Variants in NAV3 observed in about 807,000 individuals in gnomAD.
The protein encoded by NAV3 is pore membrane and/or filament interacting like protein 1.
Under a neutral mutation model 244.7 loss-of-function variants are expected in NAV3, and 87 were observed. That is an observed-to-expected ratio of 0.36 (90% CI 0.30 to 0.42). The LOEUF is 0.42. Among genes scored for constraint, NAV3 ranks in the 20% least tolerant of loss-of-function variants. The pLI is 1.00. For synonymous variants in NAV3, 1,126 were observed against 1,042.2 expected (o/e 1.08, Z -1.55); for missense variants, 2,663 against 2,893.3 (o/e 0.92, Z 1.83).
At chr12:77,941,978 C>A (rs1033606536) in intron 3 of NAV3, among the ~76,000 whole-genome samples, 2 of 152,180 alleles carry the variant, frequency 1.3e-5, no homozygotes, top group Admixed American at 6.5e-5. Context: ...AATCTATGAA[C>A]TTTTAAAATA....
At chr12:78,169,742 C>T (rs1353393125) in intron 24 of NAV3, among the ~76,000 whole-genome samples, 1 of 151,736 alleles carries the variant, frequency 6.6e-6, no homozygotes, top group Non-Finnish European at 1.5e-5. Flanking sequence ...ACAATGCTCT[C>T]CAGGATCAGC....
intron 24 of NAV3, among the ~76,000 whole-genome samples, chr12:78,170,165 T>A (rs986349972): frequency 6.6e-6 from 1 of 151,772 alleles, no homozygotes; most frequent in South Asian, 2.1e-4. Flanking sequence ...TATCTTTGGA[T>A]GTCTGTTTTG....
intron 7 of NAV3, among the ~76,000 whole-genome samples, chr12:78,002,737 A>G (rs1007099876): frequency 4.6e-5 from 7 of 152,128 alleles, no homozygotes. Context: ...ATACTTATAT[A>G]AGCCTAAAAT....
intron 1 of NAV3, among the ~76,000 whole-genome samples, chr12:77,933,149 T>C (rs925564179): frequency 3.9e-5 from 6 of 152,214 alleles, no homozygotes; most frequent in Admixed American, 2.6e-4. Context: ...GGGAGCTATT[T>C]TGTGATTTTT....
chr12:78,082,764 A>ACTATG (rs1566106808), intron 12 of NAV3, among the ~76,000 whole-genome samples: 1 of 152,200 alleles, frequency 6.6e-6, no homozygotes, highest in Non-Finnish European at 1.5e-5. Context: ...AAACCCTTTT[A>ACTATG]CTATGCTGCT....
intron 2 of NAV3, among the ~76,000 whole-genome samples, chr12:77,694,550 G>A (rs915763481): frequency 1.3e-5 from 2 of 151,160 alleles, no homozygotes; most frequent in Non-Finnish European, 2.9e-5. Flanking sequence ...TAACAACCAA[G>A]TTCAGTGTCC....
At chr12:77,660,661 G>C (rs1725854) in intron 2 of NAV3, among the ~76,000 whole-genome samples, 27,527 of 151,958 alleles carry the variant, frequency 0.18, 3,319 homozygotes, top group African/African-American at 0.34. Flanking sequence ...ACATGTTTAG[G>C]TATAAGTATG....
intron 2 of NAV3, among the ~76,000 whole-genome samples, chr12:77,721,831 C>T (rs931310067): frequency 3.3e-5 from 5 of 152,028 alleles, no homozygotes; most frequent in Admixed American, 2.6e-4. Flanking sequence ...AGGTAAAATA[C>T]ATGTGTCATT....
chr12:77,921,592 T>G (rs933868685), intron 1 of NAV3, among the ~76,000 whole-genome samples: 2 of 152,092 alleles, frequency 1.3e-5, no homozygotes, highest in Non-Finnish European at 2.9e-5. Flanking sequence ...AGTTTTCTCA[T>G]AGCTAAATTC....
chr12:77,807,253 G>A (rs1160327843), intron 2 of NAV3, among the ~76,000 whole-genome samples: 4 of 152,300 alleles, frequency 2.6e-5, no homozygotes, highest in East Asian at 1.9e-4. Context: ...ATTAGTTGAT[G>A]CAGTTTCTTC....
intron 2 of NAV3, among the ~76,000 whole-genome samples, chr12:77,641,168 T>A (rs1872393260): frequency 6.6e-6 from 1 of 152,080 alleles, no homozygotes; most frequent in Non-Finnish European, 1.5e-5. Context: ...CCCTTTTTGA[T>A]CAAAATCTTT....
At chr12:78,006,249 G>T (rs1164204487) in intron 7 of NAV3, among the ~76,000 whole-genome samples, 170 bp from the exon 8 acceptor site, 1 of 150,980 alleles carries the variant, frequency 6.6e-6, no homozygotes, top group African/African-American at 2.4e-5. Flanking sequence ...CTGCATTTTT[G>T]AAATATGGTA....
At chr12:77,728,010 A>T (rs1331194430) in intron 2 of NAV3, among the ~76,000 whole-genome samples, 1 of 151,932 alleles carries the variant, frequency 6.6e-6, no homozygotes, top group Non-Finnish European at 1.5e-5. Context: ...GATGTTTTAA[A>T]ATTGGAAGTA....
intron 12 of NAV3, among the ~76,000 whole-genome samples, chr12:78,075,707 C>T (rs1254511970): frequency 1.3e-5 from 2 of 152,174 alleles, no homozygotes; most frequent in Non-Finnish European, 2.9e-5. Context: ...TTGGGGAAAA[C>T]TAATCCACAG....
At chr12:77,966,198 A>T in intron 3 of NAV3, 31 bp from the exon 4 acceptor site, 1 of 1,593,986 alleles carries the variant, frequency 6.3e-7, no homozygotes, top group Non-Finnish European at 8.6e-7. Context: ...TAATCCTCTA[A>T]GTTGCTTTTT....
chr12:77,998,596 CT>C, intron 7 of NAV3, 120 bp downstream of exon 7: 1 of 1,067,184 alleles, frequency 9.4e-7, no homozygotes, highest in Non-Finnish European at 1.3e-6. Context: ...AGTGGAGTTT[CT>C]TTATGTTTCC....
chr12:78,136,613 T>G (rs1956383664), intron 18 of NAV3, among the ~76,000 whole-genome samples: 1 of 152,196 alleles, frequency 6.6e-6, no homozygotes, highest in South Asian at 2.1e-4. Flanking sequence ...TATGTTACAT[T>G]GTGTTTAGTT....
intron 2 of NAV3, among the ~76,000 whole-genome samples, chr12:77,650,060 C>T (rs950799753): frequency 6.6e-6 from 1 of 152,124 alleles, no homozygotes; most frequent in Non-Finnish European, 1.5e-5. Flanking sequence ...TAGATTTGAC[C>T]CATGTCATAC....
chr12:77,602,788 A>G (rs1032726366), intron 2 of NAV3, among the ~76,000 whole-genome samples: 2 of 152,018 alleles, frequency 1.3e-5, no homozygotes, highest in African/African-American at 2.4e-5. Context: ...TACCTGTCAG[A>G]AGACAACTTC....
Sources: gnomAD v4.1 joint callset for allele counts (sites outside exome capture counted in the v4.1 genomes callset) on GRCh38, gnomAD v4.1.1 for gene constraint, MANE v1.5 for transcripts, NCBI Gene and HGNC (gene_info 2026-07-23, HGNC 2026-07-21) for gene names.